The following CCDC7 variants were observed in gnomAD, a reference collection of about 807,000 sequenced individuals.
CCDC7 encodes coiled-coil domain-containing protein 7.
CCDC7 carries 183 observed loss-of-function variants against 196.9 expected under a neutral mutation model. That is an observed-to-expected ratio of 0.93 (90% confidence interval 0.82 to 1.05). The LOEUF (loss-of-function observed/expected upper bound fraction) is 1.05. Ranked by LOEUF, CCDC7 falls within the 50% of genes least tolerant of loss-of-function variation. The probability of loss-of-function intolerance (pLI) is 0.00; values close to 1 mark genes in which losing one functional copy is unlikely to be tolerated. For synonymous variants in CCDC7, 525 were observed against 484.6 expected (o/e 1.08, Z -1.10); for missense variants, 1,540 against 1,482.2 (o/e 1.04, Z -0.64).
intron 21 of CCDC7, among the ~76,000 whole-genome samples, chr10:32,682,893 A>ATG (rs2076026641): frequency 6.6e-6 from 1 of 152,216 alleles, no homozygotes; most frequent in African/African-American, 2.4e-5. Context: ...TCTGGATATT[A>ATG]CACCTTTGTT....
intron 9 of CCDC7, among the ~76,000 whole-genome samples, chr10:32,506,796 A>C (rs894098827): frequency 2.6e-5 from 4 of 152,104 alleles, no homozygotes; most frequent in African/African-American, 9.7e-5. Flanking sequence ...AGGTTGCAGC[A>C]AGCCGAGATC....
chr10:32,671,804 T>G (rs536490851), intron 21 of CCDC7, among the ~76,000 whole-genome samples: 2 of 152,220 alleles, frequency 1.3e-5, no homozygotes, highest in Admixed American at 1.3e-4. Context: ...ACTCATGAGA[T>G]TGAGAGTTGT....
chr10:32,589,907 T>C (rs985239756), intron 18 of CCDC7, among the ~76,000 whole-genome samples: 1 of 152,146 alleles, frequency 6.6e-6, no homozygotes, highest in Non-Finnish European at 1.5e-5. Context: ...GCATGGAATA[T>C]GCTTTTTTTC....
Position 32,821,525 on chromosome 10 carries a change from C to T in CCDC7, c.3182-2993C>T, listed in dbSNP as rs555815884. On this transcript the variant is annotated intron_variant, in intron 31 of 41. Coordinates refer to ENST00000639629, the Ensembl canonical transcript of CCDC7. ...TACACATGCACGCGTATGTTTATTG[C>T]GGCACTATTCACAATAGCAAAGACT... 2.1e-4 allele frequency among the ~76,000 whole-genome samples: 32 copies of T among 152,178 alleles called. No homozygotes were observed. In the East Asian group the frequency reaches 2.7e-3, roughly 13 times the overall value.
chr10:32,578,837 A>C (rs2058477077), intron 16 of CCDC7, among the ~76,000 whole-genome samples: 1 of 152,128 alleles, frequency 6.6e-6, no homozygotes, highest in Non-Finnish European at 1.5e-5. Flanking sequence ...TGTCCAGATG[A>C]TGACTGCCTT....
intron 23 of CCDC7, among the ~76,000 whole-genome samples, chr10:32,690,905 G>T (rs1254671148): frequency 6.6e-6 from 1 of 152,216 alleles, no homozygotes; most frequent in Non-Finnish European, 1.5e-5. Flanking sequence ...ATACTCTCAT[G>T]GTAGTGTTTG....
chr10:32,601,598 G>C (rs2061010548), intron 18 of CCDC7, among the ~76,000 whole-genome samples: 9 of 152,142 alleles, frequency 5.9e-5, no homozygotes, highest in Admixed American at 5.9e-4. Flanking sequence ...TTTCTGTCTA[G>C]CTAAAGGATT....
intron 32 of CCDC7, among the ~76,000 whole-genome samples, chr10:32,828,843 T>C (rs1170008063): frequency 2.0e-5 from 3 of 152,218 alleles, no homozygotes; most frequent in African/African-American, 7.2e-5. Context: ...TCACCCCTAG[T>C]GATCCACTAG....
intron 18 of CCDC7, among the ~76,000 whole-genome samples, chr10:32,633,204 C>T (rs1045888413): frequency 4.1e-4 from 27 of 66,476 alleles, no homozygotes; most frequent in Admixed American, 1.4e-3. Context: ...TCAGTTTGCG[C>T]GCGTGCACGC....
intron 8 of CCDC7, among the ~76,000 whole-genome samples, chr10:32,491,179 C>T (rs1281489278): frequency 6.6e-6 from 1 of 151,944 alleles, no homozygotes; most frequent in Non-Finnish European, 1.5e-5. Context: ...TCTTCTATAC[C>T]ACTCTTTTGA....
At chr10:32,811,565 T>C (rs2087122384) in intron 30 of CCDC7, among the ~76,000 whole-genome samples, 1 of 152,100 alleles carries the variant, frequency 6.6e-6, no homozygotes, top group Admixed American at 6.5e-5. Flanking sequence ...GTATTTTGTA[T>C]TTCAGAATAG....
intron 18 of CCDC7, among the ~76,000 whole-genome samples, chr10:32,596,937 T>C (rs2060436764): frequency 6.6e-6 from 1 of 151,678 alleles, no homozygotes; most frequent in African/African-American, 2.4e-5. Context: ...AACCCGACCT[T>C]TCTGGCTGCC....
At chr10:32,547,338 G>C (rs944367785) in intron 13 of CCDC7, among the ~76,000 whole-genome samples, 3 of 152,086 alleles carry the variant, frequency 2.0e-5, no homozygotes, top group Non-Finnish European at 2.9e-5. Context: ...GCTCACAAGA[G>C]TCTCTCTTGT....
At chr10:32,782,230 T>G (rs9665288) in intron 29 of CCDC7, among the ~76,000 whole-genome samples, 1,146 of 5,186 alleles carry the variant, frequency 0.22, 13 homozygotes, top group Middle Eastern at 0.5. Flanking sequence ...TTTTTTTTTG[T>G]TTTTTTTGGT....
intron 29 of CCDC7, among the ~76,000 whole-genome samples, chr10:32,793,521 A>G (rs538571418): frequency 1.4e-3 from 220 of 152,270 alleles, no homozygotes; most frequent in Non-Finnish European, 2.5e-3. Context: ...CAATTTACTT[A>G]TAAATCAAAA....
At position 32,466,340 on chromosome 10, in the gene CCDC7, A is replaced by G. The variant is rs1056926675; in HGVS notation, c.510+3291A>G. 3.3e-5 allele frequency among the ~76,000 whole-genome samples: 5 copies of G among 150,024 alleles called. No homozygotes were observed. The East Asian group carries it at 9.8e-4, about 29-fold the overall frequency. On this transcript the variant is annotated intron_variant, in intron 5 of 41. Coordinates refer to ENST00000639629, the Ensembl canonical transcript of CCDC7. ...TTATTTACGTAAACTCATGTCACAG[A>G]TATTTGTTGTACAGATTATTTCATC...
At chr10:32,645,735 G>C (rs1007012061) in intron 20 of CCDC7, among the ~76,000 whole-genome samples, 1 of 151,790 alleles carries the variant, frequency 6.6e-6, no homozygotes, top group Non-Finnish European at 1.5e-5. Context: ...GGTGTGTTGA[G>C]ATTTTCTATT....
At chr10:32,708,451 G>C (rs537241343) in intron 24 of CCDC7, among the ~76,000 whole-genome samples, 1 of 152,108 alleles carries the variant, frequency 6.6e-6, no homozygotes, top group African/African-American at 2.4e-5. Flanking sequence ...CAATGGCAAC[G>C]AAAGCCAAAA....
intron 28 of CCDC7, among the ~76,000 whole-genome samples, chr10:32,764,250 G>A (rs2133928778): frequency 6.8e-6 from 1 of 146,432 alleles, no homozygotes; most frequent in East Asian, 2.0e-4. Flanking sequence ...TTAGACACAA[G>A]TCCCACCAGC....
Sources: gnomAD v4.1 joint callset for allele counts (sites outside exome capture counted in the v4.1 genomes callset) on GRCh38, gnomAD v4.1.1 for gene constraint, MANE v1.5 for transcripts, NCBI Gene and HGNC (gene_info 2026-07-23, HGNC 2026-07-21) for gene names.